Variants in DLGAP2 observed in about 807,000 individuals in gnomAD.
The protein encoded by DLGAP2 is disks large-associated protein 2.
A neutral mutation model predicts 100.3 loss-of-function variants in DLGAP2; 26 were observed. The observed-to-expected ratio is 0.26, with a 90% confidence interval of 0.19 to 0.36. The LOEUF is 0.36. Among genes scored for constraint, DLGAP2 ranks in the 10% least tolerant of loss-of-function variants. The pLI, the probability that DLGAP2 is intolerant of heterozygous loss-of-function variation, is 1.00. For missense variants in DLGAP2, 1,858 were observed against 1,453.2 expected (o/e 1.28, Z -4.53); for synonymous variants, 886 against 630.1 (o/e 1.41, Z -6.08).
At chr8:1,128,589 G>A (rs138026148) in intron 2 of DLGAP2, among the ~76,000 whole-genome samples, 6 of 152,304 alleles carry the variant, frequency 3.9e-5, no homozygotes, top group African/African-American at 7.2e-5. Flanking sequence ...CTCAATCGCC[G>A]GGTTTGTATA....
chr8:1,254,930 T>C (rs566307724), intron 2 of DLGAP2, among the ~76,000 whole-genome samples: 1 of 149,918 alleles, frequency 6.7e-6, no homozygotes, highest in Non-Finnish European at 1.5e-5. Flanking sequence ...GCTGTGTGTG[T>C]GCCCTCTCCT....
intron 2 of DLGAP2, among the ~76,000 whole-genome samples, chr8:993,984 A>G (rs79471301): frequency 0.034 from 5,238 of 152,120 alleles, 298 homozygotes; most frequent in African/African-American, 0.12. Context: ...ATAGAGAATG[A>G]AAGTGCTGTT....
intron 2 of DLGAP2, among the ~76,000 whole-genome samples, chr8:1,096,128 G>C (rs117453649): frequency 6.6e-6 from 1 of 152,324 alleles, no homozygotes; most frequent in Non-Finnish European, 1.5e-5. Flanking sequence ...GTGTAAACGT[G>C]TTCTAGGTGT....
chr8:1,391,961 G>A (rs774587981), intron 3 of DLGAP2, among the ~76,000 whole-genome samples: 73 of 152,250 alleles, frequency 4.8e-4, no homozygotes, highest in Non-Finnish European at 7.2e-4. Context: ...ACCCATTGTT[G>A]TGATGCTGTA....
intron 2 of DLGAP2, among the ~76,000 whole-genome samples, chr8:1,134,369 C>T (rs1221645978): frequency 6.6e-6 from 1 of 152,118 alleles, no homozygotes; most frequent in Non-Finnish European, 1.5e-5. Context: ...TTGCTTGGTG[C>T]AATGGTAGTT....
intron 3 of DLGAP2, among the ~76,000 whole-genome samples, chr8:1,374,165 A>C (rs372643770): frequency 1.5e-4 from 23 of 149,292 alleles, no homozygotes; most frequent in South Asian, 6.3e-4. Context: ...AGGTTAGGTT[A>C]GGTTTGCAGA....
intron 3 of DLGAP2, among the ~76,000 whole-genome samples, chr8:1,328,946 A>T (rs966600906): frequency 6.6e-6 from 1 of 152,118 alleles, no homozygotes; most frequent in South Asian, 2.1e-4. Context: ...CAGCACTAAC[A>T]CTCTGAGTAG....
chr8:1,626,781 A>G lies in DLGAP2; in HGVS notation c.1484A>G (p.His495Arg). 1 of 1,604,034 alleles carries G rather than the reference A, an allele frequency of 6.2e-7. No homozygotes were observed. The highest frequency in any genetic ancestry group is 8.5e-7 in the Non-Finnish European group (1 of 1,175,682). ...GCTGCAAGCGATGTGCCTGTGGGAC[A>G]CAGCCTGGACCCCGCTGCGAACTAC... ...LQAASDVPVG[H>R]SLDPAANYNS... The change falls in exon 7 of 15, where the codon CAC becomes CGC. Residue 495 changes from histidine (H) to arginine (R), a missense_variant. His to Arg is a conservative substitution (Grantham distance 29). Transcript: ENST00000637795.
chr8:1,370,849 C>T (rs142477323), intron 3 of DLGAP2, among the ~76,000 whole-genome samples: 448 of 152,338 alleles, frequency 2.9e-3, no homozygotes, highest in African/African-American at 0.01. Context: ...AGATGAGTAA[C>T]GCACCACACA....
rs1205279610 is a variant in DLGAP2 at position 1,549,104 on chromosome 8, G to A, written c.651G>A (p.Ala217=). 2 of 1,584,088 alleles carry A rather than the reference G, an allele frequency of 1.3e-6. No homozygotes were observed. The highest frequency in any genetic ancestry group is 8.6e-7 in the Non-Finnish European group (1 of 1,168,272). ...CGCTGCAGTACCAGAGGACGTCCGC[G>A]GCCGCCGAGCAGCGCAGCGAGAGCC... The part of the protein sequence containing the change: ...FHTLQYQRTS[A]AAEQRSESPG... The change falls in exon 5 of 15, where the codon GCG becomes GCA. Residue 217 remains alanine, a synonymous_variant. Coordinates refer to ENST00000637795, the MANE Select transcript of DLGAP2 (RefSeq NM_001346810.2).
chr8:1,136,096 T>C (rs934949919), intron 2 of DLGAP2, among the ~76,000 whole-genome samples: 3 of 151,480 alleles, frequency 2.0e-5, no homozygotes, highest in Admixed American at 2.0e-4. Flanking sequence ...GGATTTGAGA[T>C]TCCCCTTGCC....
chr8:1,614,031 G>A (rs749871114), intron 6 of DLGAP2, among the ~76,000 whole-genome samples: 17 of 152,132 alleles, frequency 1.1e-4, no homozygotes, highest in African/African-American at 1.7e-4. Flanking sequence ...GGTTTTCAGC[G>A]AAAATGGGCC....
chr8:1,449,729 C>T (rs1368872761), intron 3 of DLGAP2, among the ~76,000 whole-genome samples: 4 of 152,130 alleles, frequency 2.6e-5, no homozygotes, highest in Non-Finnish European at 5.9e-5. Context: ...ACAAGCCTTG[C>T]TGTAAGGATG....
intron 3 of DLGAP2, among the ~76,000 whole-genome samples, chr8:1,493,227 A>G (rs527942537): frequency 1.3e-5 from 2 of 151,600 alleles, no homozygotes; most frequent in African/African-American, 4.8e-5. Context: ...ACGCGCCTCC[A>G]TGGATGGAGC....
intron 5 of DLGAP2, among the ~76,000 whole-genome samples, chr8:1,559,360 T>C (rs1316194223): frequency 2.0e-5 from 3 of 152,210 alleles, no homozygotes; most frequent in Non-Finnish European, 4.4e-5. Context: ...TCGAATGCTG[T>C]AACATAACGG....
intron 3 of DLGAP2, among the ~76,000 whole-genome samples, chr8:1,356,962 G>A (rs1041693717): frequency 4.6e-5 from 7 of 152,242 alleles, no homozygotes; most frequent in Non-Finnish European, 8.8e-5. Context: ...GCAGCTGCGA[G>A]GGCTGAGGCT....
intron 3 of DLGAP2, among the ~76,000 whole-genome samples, chr8:1,468,434 A>C (rs955617365): frequency 1.4e-4 from 20 of 145,084 alleles, no homozygotes; most frequent in Non-Finnish European, 2.3e-4. Flanking sequence ...TGAGTCCCCA[A>C]CAGCCATGGT....
intron 4 of DLGAP2, among the ~76,000 whole-genome samples, chr8:1,531,286 C>T (rs573211316): frequency 6.9e-6 from 1 of 145,886 alleles, no homozygotes; most frequent in South Asian, 2.1e-4. Context: ...AGGTTCTTAA[C>T]CTGGGACAAA....
intron 1 of DLGAP2, among the ~76,000 whole-genome samples, chr8:846,137 G>T (rs1797067477): frequency 1.3e-5 from 2 of 152,174 alleles, no homozygotes; most frequent in African/African-American, 4.8e-5. Context: ...TCTTTGTGAT[G>T]AGTACATTCA....
Sources: allele counts gnomAD v4.1 joint callset (sites outside exome capture counted in the v4.1 genomes callset), GRCh38; gene constraint gnomAD v4.1.1; transcripts MANE v1.5; gene names NCBI Gene and HGNC (gene_info 2026-07-23, HGNC 2026-07-21).